CEP164: variants seen among roughly 807,000 people sequenced by gnomAD.
The protein encoded by CEP164 is centrosomal protein of 164 kDa.
A neutral mutation model predicts 182.7 loss-of-function variants in CEP164; 162 were observed. That is an observed-to-expected ratio of 0.89 (90% CI 0.78 to 1.01). The LOEUF (loss-of-function observed/expected upper bound fraction) is 1.01, where lower values mean the gene tolerates loss of function less well. Ranked by LOEUF, CEP164 falls within the 50% of genes least tolerant of loss-of-function variation. The probability of loss-of-function intolerance (pLI) is 0.00; values close to 1 mark genes in which losing one functional copy is unlikely to be tolerated. For missense variants in CEP164, 1,735 were observed against 1,790.4 expected (o/e 0.97, Z 0.56); for synonymous variants, 661 against 690.0 (o/e 0.96, Z 0.66).
chr11:117,364,070 G>A (rs1235147581), intron 8 of CEP164: 1 of 151,822 alleles, frequency 6.6e-6, no homozygotes. Context: ...CCAGCTATGT[G>A]TTTTTGTACT....
chr11:117,332,779 G>A (rs1425086941), intron 1 of CEP164, among the ~76,000 whole-genome samples: 2 of 152,108 alleles, frequency 1.3e-5, no homozygotes, highest in South Asian at 2.1e-4. Context: ...GTGCAGTTGG[G>A]TGACCCCTCC....
chr11:117,380,924 A>G (rs1398789901), intron 12 of CEP164, among the ~76,000 whole-genome samples: 2 of 152,226 alleles, frequency 1.3e-5, no homozygotes, highest in African/African-American at 4.8e-5. Flanking sequence ...GTTTGCATGC[A>G]TGAGCAGACC....
chr11:117,341,324 G>T (rs2038082751), intron 3 of CEP164, among the ~76,000 whole-genome samples: 1 of 152,176 alleles, frequency 6.6e-6, no homozygotes, highest in African/African-American at 2.4e-5. Flanking sequence ...AGCAGATCAT[G>T]TCAGGGCTGT....
intron 15 of CEP164, 148 bp from the exon 16 acceptor site, chr11:117,390,629 C>A: frequency 1.9e-6 from 2 of 1,052,382 alleles, no homozygotes; most frequent in Non-Finnish European, 2.7e-6. Context: ...GAGCAAGAAC[C>A]TGTCTCCAAA....
intron 13 of CEP164, among the ~76,000 whole-genome samples, chr11:117,382,247 C>G (rs956552929): frequency 5.9e-5 from 9 of 152,190 alleles, no homozygotes; most frequent in Non-Finnish European, 1.3e-4. Context: ...GAAGCCCTTT[C>G]TCTAGTCCCC....
At chr11:117,361,680 A>G (rs1386320816) in intron 5 of CEP164, among the ~76,000 whole-genome samples, 155 bp from the exon 6 acceptor site, 1 of 152,204 alleles carries the variant, frequency 6.6e-6, no homozygotes, top group Non-Finnish European at 1.5e-5. Flanking sequence ...GCACAATGGT[A>G]ATTTCTGGAT....
intron 14 of CEP164, chr11:117,386,993 C>T: frequency 1.7e-6 from 1 of 575,976 alleles, no homozygotes; most frequent in South Asian, 2.1e-5. Context: ...TCCCTAGGCT[C>T]TTGGGGCCTT....
At chr11:117,367,332 A>G (rs975266726) in intron 8 of CEP164, among the ~76,000 whole-genome samples, 1 of 152,236 alleles carries the variant, frequency 6.6e-6, no homozygotes, top group South Asian at 2.1e-4. Flanking sequence ...GTTAGTCAAC[A>G]TGGTGCAGAG....
At chr11:117,395,906 G>T in intron 24 of CEP164, 148 bp from the exon 25 acceptor site, 1 of 1,224,514 alleles carries the variant, frequency 8.2e-7, no homozygotes. Context: ...AAAAGCAGGG[G>T]ATCTCTGGTG....
chr11:117,395,085 C>G (rs1274952827), intron 22 of CEP164, 38 bp from the exon 23 acceptor site: 4 of 1,613,592 alleles, frequency 2.5e-6, no homozygotes, highest in Non-Finnish European at 3.4e-6. Context: ...GACCTGGGGT[C>G]TGCAGTCAGC....
In CEP164 at chr11:117,350,009, G is replaced by A. The variant is rs142232611; in HGVS notation, c.195-1781G>A. 4.5e-4 allele frequency among the ~76,000 whole-genome samples: 68 copies of A among 152,110 alleles called. No homozygotes were observed. The East Asian group carries it at 0.013, about 29-fold the overall frequency. ...AGGCTGGTCTCAAACTCCTGACCTC[G>A]TGATCTGCCTGCCTTGGCCTCGCAA... On this transcript the variant is annotated intron_variant, in intron 4 of 32. Coordinates refer to ENST00000278935, the MANE Select transcript of CEP164 (RefSeq NM_014956.5).
chr11:117,350,147 G>A (rs969141960), intron 4 of CEP164, among the ~76,000 whole-genome samples: 2 of 152,106 alleles, frequency 1.3e-5, no homozygotes, highest in Non-Finnish European at 2.9e-5. Context: ...GACGTCAGGT[G>A]ATCCACCTGC....
intron 8 of CEP164, among the ~76,000 whole-genome samples, chr11:117,370,258 T>C (rs1176312740): frequency 6.6e-6 from 1 of 151,920 alleles, no homozygotes; most frequent in Non-Finnish European, 1.5e-5. Flanking sequence ...CTGCTGCTGA[T>C]CAGCATGTAC....
intron 8 of CEP164, 141 bp from the exon 9 acceptor site, chr11:117,370,938 TG>T: frequency 1.2e-6 from 1 of 817,130 alleles, no homozygotes; most frequent in Non-Finnish European, 1.9e-6. Context: ...AATTAACAAC[TG>T]GGTGATTGAT....
In CEP164 at chr11:117,394,348, A is replaced by G. The variant is rs1296155125; in HGVS notation, c.2617-2A>G. The G allele has an allele frequency of 6.3e-7, 1 of 1,594,386 alleles. No individual in the cohort carries two copies. Among genetic ancestry groups the G allele is most frequent in the Non-Finnish European group, 8.5e-7 (1 of 1,170,858 alleles). ...CCACCGGTGGGCCCACCCTCCTTGC[A>G]GGAGAGGAAGCAGCGGGCTGAGCTT... On this transcript the variant is annotated splice_acceptor_variant, in intron 20 of 32. Coordinates refer to ENST00000278935, the MANE Select transcript of CEP164 (RefSeq NM_014956.5). LOFTEE classifies it high-confidence loss of function. This position sits in a 1 kb window ranked among gnomAD's most constrained non-coding sequence, Gnocchi z 4.0.
chr11:117,342,255 C>T (rs898374652), intron 3 of CEP164, among the ~76,000 whole-genome samples: 24 of 152,182 alleles, frequency 1.6e-4, no homozygotes, highest in African/African-American at 5.6e-4. Context: ...TCTGGCCAAT[C>T]AAGTTCCAGG....
chr11:117,333,787 T>C (rs1053190620), intron 1 of CEP164, among the ~76,000 whole-genome samples: 1 of 152,170 alleles, frequency 6.6e-6, no homozygotes, highest in Non-Finnish European at 1.5e-5. Context: ...CCTCCTGCTT[T>C]GGCCTCCCAA....
chr11:117,337,843 G>T (rs1200809951), intron 2 of CEP164, among the ~76,000 whole-genome samples: 2 of 152,108 alleles, frequency 1.3e-5, no homozygotes, highest in African/African-American at 4.8e-5. Flanking sequence ...TGTAGGACAG[G>T]GTGGAGGCTC....
Position 117,411,643 on chromosome 11 carries a change from T to G in CEP164, c.4164-152T>G. ...GGAACTGTTCTGGAGGGGCAGATGTTTTGAAGCTTTGAATTGCTAGGGACC... is the reference window on the plus strand; with the variant it reads ...GGAACTGTTCTGGAGGGGCAGATGTGTTGAAGCTTTGAATTGCTAGGGACC... On this transcript the variant is annotated intron_variant, in intron 31 of 32. Transcript: ENST00000278935. This position sits in a 1 kb window ranked among gnomAD's most constrained non-coding sequence, Gnocchi z 4.4. 9.4e-7 allele frequency: 1 copy of G among 1,062,046 alleles called. No homozygotes were observed. Among genetic ancestry groups the G allele is most frequent in the Non-Finnish European group, 1.3e-6 (1 of 744,260 alleles). The allele number at this position is 1,062,046 out of a possible 1,614,324, so 65.8% of individuals were successfully genotyped here. A position where few individuals can be genotyped will look rare whatever the true frequency, so the allele number is the denominator to read the frequency against.
Sources: gnomAD v4.1 joint callset for allele counts (sites outside exome capture counted in the v4.1 genomes callset) on GRCh38, gnomAD v4.1.1 for gene constraint, Gnocchi (gnomAD v3.1) non-coding constraint, MANE v1.5 for transcripts, NCBI Gene and HGNC (gene_info 2026-07-23, HGNC 2026-07-21) for gene names.